ENOX2: variants seen among roughly 807,000 people sequenced by gnomAD.
ENOX2 encodes the protein ecto-NOX disulfide-thiol exchanger 2, also known as APK1 antigen.
Under a neutral mutation model 45.0 loss-of-function variants are expected in ENOX2, and 36 were observed. The observed-to-expected ratio is 0.80, with a 90% CI of 0.61 to 1.06. The LOEUF is 1.06. Ranked by LOEUF, ENOX2 falls within the 50% of genes least tolerant of loss-of-function variation. The pLI, the probability that ENOX2 is intolerant of heterozygous loss-of-function variation, is 0.00. For synonymous variants in ENOX2, 174 were observed against 152.3 expected, an observed-to-expected ratio of 1.14 and a Z score of -1.05; for missense variants, 423 against 462.5, an observed-to-expected ratio of 0.91 and a Z score of 0.78.
chrX:130,698,322 C>T (rs758376097), intron 4 of ENOX2, among the ~76,000 whole-genome samples: 7 of 109,879 alleles, frequency 6.4e-5, no homozygotes, highest in Admixed American at 3.9e-4. Flanking sequence ...CAAATGATGA[C>T]GCCTCGGTCT....
At chrX:130,709,870 G>A (rs944964511) in intron 3 of ENOX2, among the ~76,000 whole-genome samples, 3 of 108,641 alleles carry the variant, frequency 2.8e-5, no homozygotes, top group Admixed American at 9.9e-5. Context: ...CACCCATCAA[G>A]CCATCATCTA....
chrX:130,698,181 C>T (rs1328234861), intron 4 of ENOX2, among the ~76,000 whole-genome samples: 3 of 111,927 alleles, frequency 2.7e-5, no homozygotes, highest in Non-Finnish European at 1.9e-5. Flanking sequence ...CATATAAACT[C>T]ATACATTTTT....
intron 14 of ENOX2, among the ~76,000 whole-genome samples, chrX:130,627,191 A>G (rs1444982968): frequency 9.0e-6 from 1 of 110,797 alleles, no homozygotes; most frequent in Non-Finnish European, 1.9e-5. Flanking sequence ...CTTGTTTTGT[A>G]ATAGATAATA....
chrX:130,898,449 G>C (rs1348016254), intron 2 of ENOX2, among the ~76,000 whole-genome samples: 1 of 111,703 alleles, frequency 9.0e-6, no homozygotes, highest in Admixed American at 9.5e-5. Flanking sequence ...TACCATTACA[G>C]GATTTTTCCT....
At chrX:130,795,793 A>G (rs577817337) in intron 2 of ENOX2, among the ~76,000 whole-genome samples, 1 of 111,384 alleles carries the variant, frequency 9.0e-6, no homozygotes, top group South Asian at 3.8e-4. Flanking sequence ...TGCACATACC[A>G]TCTCCTCTGC....
At chrX:130,703,682 T>C (rs2037963725) in intron 3 of ENOX2, among the ~76,000 whole-genome samples, 1 of 111,885 alleles carries the variant, frequency 8.9e-6, no homozygotes, top group Non-Finnish European at 1.9e-5. Context: ...CTAGGGCTTC[T>C]GTAGTTGGCA....
At chrX:130,881,993 G>C (rs2078821391) in intron 2 of ENOX2, among the ~76,000 whole-genome samples, 1 of 111,825 alleles carries the variant, frequency 8.9e-6, no homozygotes, top group African/African-American at 3.2e-5. Context: ...TATGTGCTAA[G>C]AGACAAGTAA....
At chrX:130,689,735 C>G (rs1392576303) in intron 4 of ENOX2, among the ~76,000 whole-genome samples, 1 of 111,840 alleles carries the variant, frequency 8.9e-6, no homozygotes, top group Non-Finnish European at 1.9e-5. Context: ...CCTCTAAAAG[C>G]TATAGGTTCT....
chrX:130,771,476 A>G (rs945756340), intron 3 of ENOX2, among the ~76,000 whole-genome samples: 2 of 111,332 alleles, frequency 1.8e-5, no homozygotes, highest in African/African-American at 6.5e-5. Flanking sequence ...GATGATTTTA[A>G]TATAGTTTTT....
intron 8 of ENOX2, among the ~76,000 whole-genome samples, chrX:130,667,063 A>T (rs1164398765): frequency 8.9e-6 from 1 of 112,050 alleles, no homozygotes; most frequent in Non-Finnish European, 1.9e-5. Flanking sequence ...AAACTAAATA[A>T]AAAATGTAGA....
At chrX:130,835,778 G>T (rs769674680) in intron 2 of ENOX2, among the ~76,000 whole-genome samples, 6 of 110,963 alleles carry the variant, frequency 5.4e-5, no homozygotes, top group Non-Finnish European at 9.4e-5. Flanking sequence ...ATCCCCTTTA[G>T]CTCTACCATT....
intron 2 of ENOX2, among the ~76,000 whole-genome samples, chrX:130,888,398 G>T (rs866776187): frequency 8.9e-6 from 1 of 111,995 alleles, no homozygotes; most frequent in African/African-American, 3.2e-5. Context: ...TGGGTATCAG[G>T]AAACCTGGGT....
intron 2 of ENOX2, among the ~76,000 whole-genome samples, chrX:130,882,145 A>C (rs1220061332): frequency 9.0e-6 from 1 of 111,068 alleles, no homozygotes; most frequent in Non-Finnish European, 1.9e-5. Context: ...GAAGGATGGC[A>C]ATTGAAATGT....
At chrX:130,719,250 C>T (rs746082593) in intron 3 of ENOX2, among the ~76,000 whole-genome samples, 15 of 110,905 alleles carry the variant, frequency 1.4e-4, no homozygotes, top group South Asian at 3.9e-4. Flanking sequence ...GGTGAACAGA[C>T]GCAAGTTGTG....
intron 9 of ENOX2, among the ~76,000 whole-genome samples, chrX:130,662,893 G>T (rs187129886): frequency 7.2e-5 from 8 of 111,704 alleles, no homozygotes; most frequent in African/African-American, 2.3e-4. Context: ...AGGATTTTTT[G>T]GGGTTTCTAC....
At chrX:130,738,730 G>A (rs1279594720) in intron 3 of ENOX2, among the ~76,000 whole-genome samples, 1 of 112,229 alleles carries the variant, frequency 8.9e-6, no homozygotes, top group African/African-American at 3.2e-5. Flanking sequence ...GAGGGGAAAA[G>A]AACAGGATGT....
intron 10 of ENOX2, among the ~76,000 whole-genome samples, chrX:130,653,091 T>C (rs2148074717): frequency 8.9e-6 from 1 of 112,096 alleles, no homozygotes; most frequent in East Asian, 2.8e-4. Flanking sequence ...TTTTTCCTTT[T>C]CTTAATCATC....
At chrX:130,636,091 G>A in intron 11 of ENOX2, among the ~76,000 whole-genome samples, 1 of 111,853 alleles carries the variant, frequency 8.9e-6, no homozygotes, top group East Asian at 2.8e-4. Context: ...AAGACCACTG[G>A]AAGGGTTAAA....
intron 3 of ENOX2, among the ~76,000 whole-genome samples, chrX:130,759,577 CAAAAAAAAAAAAA>C (rs753411112): frequency 2.5e-4 from 5 of 19,940 alleles, no homozygotes; most frequent in South Asian, 2.9e-3. Flanking sequence ...GACTATGTAC[CAAAAAAAAAAAAA>C]AAAAAAAAAA....
Sources: allele counts gnomAD v4.1 joint callset (sites outside exome capture counted in the v4.1 genomes callset), GRCh38; gene constraint gnomAD v4.1.1; transcripts MANE v1.5; gene names NCBI Gene and HGNC (gene_info 2026-07-23, HGNC 2026-07-21).